The following PCID2 variants were observed in gnomAD, a reference collection of about 807,000 sequenced individuals.
PCID2 encodes PCI domain containing 2.
Under a neutral mutation model 61.3 loss-of-function variants are expected in PCID2, and 41 were observed. The observed-to-expected ratio is 0.67, with a 90% CI of 0.52 to 0.87. The LOEUF (loss-of-function observed/expected upper bound fraction) is 0.87. PCID2 is among the 40% of genes least tolerant of loss of function. The pLI, the probability that PCID2 is intolerant of heterozygous loss-of-function variation, is 0.00. For missense variants in PCID2, 392 were observed against 493.4 expected (o/e 0.79, Z 1.95); for synonymous variants, 187 against 177.8 (o/e 1.05, Z -0.41).
At chr13:113,188,789 G>T (rs1328716697) in intron 7 of PCID2, among the ~76,000 whole-genome samples, 2 of 152,106 alleles carry the variant, frequency 1.3e-5, no homozygotes, top group East Asian at 3.8e-4. Context: ...TCATTCCTTG[G>T]CCTTTACATA....
chr13:113,177,018 G>A (rs1401451013), downstream of PCID2, among the ~76,000 whole-genome samples: 2 of 152,238 alleles, frequency 1.3e-5, no homozygotes, highest in South Asian at 2.1e-4. Flanking sequence ...TGTCAACCTC[G>A]CCGTGGTGCC....
intron 8 of PCID2, among the ~76,000 whole-genome samples, chr13:113,184,966 T>C (rs548600642): frequency 6.6e-6 from 1 of 152,374 alleles, no homozygotes; most frequent in Non-Finnish European, 1.5e-5. Context: ...AGCCTGTGCT[T>C]ATGCAGCACC....
chr13:113,185,863 G>A (rs924714659), intron 7 of PCID2: 16 of 265,692 alleles, frequency 6.0e-5, no homozygotes, highest in South Asian at 6.0e-4. Context: ...GCAACAATGC[G>A]TAAAAGTTAA....
the PCID2 span, chr13:113,170,544 C>A: frequency 6.8e-7 from 1 of 1,463,188 alleles, no homozygotes; most frequent in Non-Finnish European, 9.6e-7. Context: ...AGTATTTTAT[C>A]ATGAGTTTTT....
chr13:113,207,239 C>T (rs2039942804), intron 1 of PCID2, among the ~76,000 whole-genome samples: 1 of 152,144 alleles, frequency 6.6e-6, no homozygotes, highest in Non-Finnish European at 1.5e-5. Context: ...CTTTTAAGCT[C>T]ATCAATGAAA....
rs562075799 is a variant in PCID2 at position 113,201,136 on chromosome 13, A to G, written c.37-620T>C. On this transcript the variant is annotated intron_variant, in intron 1 of 13. Transcript: ENST00000337344. ...TCCAAAATTCAAAAAGCTTCCACTC[A>G]ACCTTAATATAAAATAAAAGGAAAA... Among the ~76,000 whole-genome samples the G allele has an allele frequency of 2.6e-5, 4 of 152,166 alleles. No homozygotes were observed. The South Asian group carries it at 8.3e-4, about 32-fold the overall frequency.
intron 3 of PCID2, among the ~76,000 whole-genome samples, chr13:113,197,777 C>T (rs1044796419): frequency 1.3e-5 from 2 of 152,214 alleles, no homozygotes; most frequent in African/African-American, 2.4e-5. Context: ...GCTATAAGGA[C>T]ACAATCTTCT....
Position 113,184,336 on chromosome 13 carries a change from A to G in PCID2, c.685+10T>C, listed in dbSNP as rs933255545. The G allele has an allele frequency of 2.5e-6, 4 of 1,608,552 alleles. No homozygotes were observed. The highest frequency in any genetic ancestry group is 3.4e-6 in the Non-Finnish European group (4 of 1,175,868). On this transcript the variant is annotated intron_variant, in intron 9 of 13. Transcript: ENST00000337344. ...TTTAAAATACTGGGAAAAAAAGATTAGCAACATACCTTGCTTAAAATCGCT... is the reference window on the plus strand; with the variant it reads ...TTTAAAATACTGGGAAAAAAAGATTGGCAACATACCTTGCTTAAAATCGCT...
At position 113,178,087 on chromosome 13, in the gene PCID2, T is replaced by C. The variant is rs1016225174; in HGVS notation, c.*111A>G. 3 of 674,260 alleles carry C rather than the reference T, an allele frequency of 4.4e-6. No individual in the cohort carries two copies. The highest frequency in any genetic ancestry group is 1.8e-5 in the African/African-American group (1 of 55,612). 41.8% of individuals were successfully genotyped at this position (674,260 alleles called of 1,614,324 possible). On this transcript the variant is annotated 3_prime_UTR_variant, in exon 14 of 14. Coordinates refer to ENST00000337344, the MANE Select transcript of PCID2 (RefSeq NM_001127202.4). Reference sequence around the variant, plus strand: ...CCTCAGCATCCCTGGGAAAAGCGCCTCCAAGAGTTCCGGCTTCAGGGAGCC... The same window carrying C: ...CCTCAGCATCCCTGGGAAAAGCGCCCCCAAGAGTTCCGGCTTCAGGGAGCC...
At chr13:113,177,104 G>C (rs1013286911), downstream of PCID2, among the ~76,000 whole-genome samples, 1 of 152,110 alleles carries the variant, frequency 6.6e-6, no homozygotes, top group Non-Finnish European at 1.5e-5. Context: ...TGTAGCACTC[G>C]GTAAGCTACA....
At chr13:113,197,139 G>A in intron 4 of PCID2, 39 bp downstream of exon 4, 2 of 1,614,064 alleles carry the variant, frequency 1.2e-6, no homozygotes, top group African/African-American at 1.3e-5. Flanking sequence ...CACTGCATGT[G>A]TTCTATGCGG....
At chr13:113,165,254 A>C in the PCID2 span, 1 of 849,432 alleles carries the variant, frequency 1.2e-6, no homozygotes, top group Non-Finnish European at 1.9e-6. Flanking sequence ...TGCACTGACC[A>C]ACCTCTATTC....
chr13:113,170,370 C>T, the PCID2 span: 4 of 1,267,448 alleles, frequency 3.2e-6, no homozygotes, highest in Non-Finnish European at 4.6e-6. Context: ...CCTAATCCTG[C>T]AAATTGTCAC....
At chr13:113,206,286 T>TG (rs2039807940) in intron 1 of PCID2, among the ~76,000 whole-genome samples, 2 of 152,218 alleles carry the variant, frequency 1.3e-5, no homozygotes, top group Admixed American at 1.3e-4. Flanking sequence ...TTAGTAAAAA[T>TG]GCCAGGATTT....
At chr13:113,180,303 A>C in intron 10 of PCID2, 72 bp from the exon 11 acceptor site, 1 of 1,198,836 alleles carries the variant, frequency 8.3e-7, no homozygotes, top group South Asian at 1.2e-5. Flanking sequence ...TATTCATATC[A>C]AGGAATTAAG....
chr13:113,192,803 T>C (rs528416521), intron 6 of PCID2, among the ~76,000 whole-genome samples: 1 of 152,298 alleles, frequency 6.6e-6, no homozygotes, highest in African/African-American at 2.4e-5. Flanking sequence ...ATGGTCTGAA[T>C]GCTTGTGTCC....
intron 6 of PCID2, among the ~76,000 whole-genome samples, chr13:113,193,676 G>A (rs1006262925): frequency 9.9e-5 from 15 of 152,172 alleles, no homozygotes; most frequent in African/African-American, 2.9e-4. Flanking sequence ...AATATAAATA[G>A]ATATAACAAA....
chr13:113,172,341 A>C, the PCID2 span: 1 of 570,564 alleles, frequency 1.8e-6, no homozygotes, highest in Non-Finnish European at 3.1e-6. Context: ...AGAAAACATG[A>C]GATACGTTAA....
chr13:113,175,344 C>T (rs927458626), downstream of PCID2, among the ~76,000 whole-genome samples: 2 of 152,318 alleles, frequency 1.3e-5, 1 homozygote, highest in Middle Eastern at 6.8e-3. Context: ...TCACTATGGA[C>T]GGTTCAATAC....
Sources: gnomAD v4.1 joint callset for allele counts (sites outside exome capture counted in the v4.1 genomes callset) on GRCh38, gnomAD v4.1.1 for gene constraint, MANE v1.5 for transcripts, NCBI Gene and HGNC (gene_info 2026-07-23, HGNC 2026-07-21) for gene names.